The following CTTNBP2 variants were observed in gnomAD, a reference collection of about 807,000 sequenced individuals.
The protein encoded by CTTNBP2 is cortactin binding protein 2, also known as cortactin-binding protein 2.
In CTTNBP2, 108 loss-of-function variants were observed where a neutral mutation model predicts 156.9. The ratio of observed to expected loss-of-function variants is 0.69; its 90% CI spans 0.59 to 0.81. The LOEUF (loss-of-function observed/expected upper bound fraction) is 0.81. Among genes scored for constraint, CTTNBP2 ranks in the 30% least tolerant of loss-of-function variants. The probability of loss-of-function intolerance (pLI) is 0.00; values close to 1 mark genes in which losing one functional copy is unlikely to be tolerated. For synonymous variants in CTTNBP2, 767 were observed against 751.8 expected, an observed-to-expected ratio of 1.02 and a Z score of -0.33; for missense variants, 1,924 against 2,035.4, an observed-to-expected ratio of 0.95 and a Z score of 1.05.
intron 3 of CTTNBP2, among the ~76,000 whole-genome samples, chr7:117,793,852 A>G (rs758559055): frequency 6.6e-6 from 1 of 152,250 alleles, no homozygotes; most frequent in Non-Finnish European, 1.5e-5. Context: ...AAAGCTCCCA[A>G]TAGCACAAGA....
intron 12 of CTTNBP2, among the ~76,000 whole-genome samples, chr7:117,750,950 T>G (rs1225046527): frequency 1.3e-5 from 2 of 152,238 alleles, no homozygotes; most frequent in Non-Finnish European, 2.9e-5. Flanking sequence ...ATCCCCTAAG[T>G]GCACATTTAT....
intron 2 of CTTNBP2, among the ~76,000 whole-genome samples, chr7:117,837,602 A>C (rs1802033003): frequency 6.6e-6 from 1 of 152,172 alleles, no homozygotes; most frequent in South Asian, 2.1e-4. Flanking sequence ...TAGGGATGAG[A>C]CCCAAGTCTA....
chr7:117,836,698 C>T (rs144954763), intron 2 of CTTNBP2, among the ~76,000 whole-genome samples: 14 of 152,236 alleles, frequency 9.2e-5, no homozygotes, highest in African/African-American at 3.1e-4. Context: ...AAAACATACC[C>T]GACATTGGGT....
chr7:117,835,156 G>A (rs1424937771), intron 2 of CTTNBP2, among the ~76,000 whole-genome samples: 3 of 152,216 alleles, frequency 2.0e-5, no homozygotes, highest in African/African-American at 4.8e-5. Flanking sequence ...CACAGGGGAC[G>A]GCTGAAGTTG....
chr7:117,828,093 A>G (rs1801393531), intron 2 of CTTNBP2, among the ~76,000 whole-genome samples: 1 of 152,220 alleles, frequency 6.6e-6, no homozygotes, highest in African/African-American at 2.4e-5. Context: ...GACTCACTCC[A>G]TATCAAAAGC....
chr7:117,824,492 A>T (rs1801163631), intron 2 of CTTNBP2, among the ~76,000 whole-genome samples: 1 of 152,144 alleles, frequency 6.6e-6, no homozygotes, highest in Non-Finnish European at 1.5e-5. Context: ...ATTTTTTAAC[A>T]GTGTTGATTT....
chr7:117,752,465 G>A (rs1796663092), intron 12 of CTTNBP2, among the ~76,000 whole-genome samples: 2 of 152,110 alleles, frequency 1.3e-5, no homozygotes, highest in Admixed American at 6.6e-5. Flanking sequence ...ACTCAATTGG[G>A]TTGAATATTT....
chr7:117,731,769 G>C (rs1013440439), intron 16 of CTTNBP2, among the ~76,000 whole-genome samples: 15 of 152,176 alleles, frequency 9.9e-5, no homozygotes, highest in African/African-American at 3.6e-4. Flanking sequence ...CCGGAGTTAG[G>C]TTTGGGGACA....
chr7:117,745,542 G>A (rs960782334), intron 14 of CTTNBP2, among the ~76,000 whole-genome samples: 2 of 152,178 alleles, frequency 1.3e-5, no homozygotes, highest in Admixed American at 6.5e-5. Flanking sequence ...TCCAGCTAGG[G>A]TGAACTGCTC....
At chr7:117,862,267 A>G (rs1803809496) in intron 1 of CTTNBP2, among the ~76,000 whole-genome samples, 1 of 125,962 alleles carries the variant, frequency 7.9e-6, no homozygotes, top group Non-Finnish European at 1.6e-5. Context: ...CCTTCCAGGG[A>G]CCCAGCTACA....
intron 10 of CTTNBP2, chr7:117,760,158 A>G (rs1358766309): frequency 1.3e-5 from 6 of 457,074 alleles, no homozygotes; most frequent in African/African-American, 9.7e-5. Flanking sequence ...AGTTTCTTGC[A>G]TTTATCTAGA....
At chr7:117,852,520 C>A (rs1447952437) in intron 2 of CTTNBP2, among the ~76,000 whole-genome samples, 1 of 152,134 alleles carries the variant, frequency 6.6e-6, no homozygotes, top group African/African-American at 2.4e-5. Context: ...TGTTCTCTCT[C>A]ATCCTATTAG....
intron 2 of CTTNBP2, among the ~76,000 whole-genome samples, chr7:117,818,566 C>T (rs1459849934): frequency 6.6e-6 from 1 of 152,168 alleles, no homozygotes; most frequent in Non-Finnish European, 1.5e-5. Flanking sequence ...ATGAAATGGA[C>T]ACTGCCCCTC....
At chr7:117,723,531 A>G (rs552797198) in intron 19 of CTTNBP2, among the ~76,000 whole-genome samples, 3 of 152,292 alleles carry the variant, frequency 2.0e-5, no homozygotes, top group African/African-American at 7.2e-5. Flanking sequence ...ATTTCTTTTC[A>G]TTTTTATTCC....
chr7:117,713,279 A>T (rs1794161272), intron 22 of CTTNBP2, among the ~76,000 whole-genome samples: 1 of 152,168 alleles, frequency 6.6e-6, no homozygotes. Context: ...CTTTCCCTTC[A>T]GAGTATTTCA....
chr7:117,719,744 T>G (rs1285928780), intron 20 of CTTNBP2, 108 bp from the exon 21 acceptor site: 1 of 784,252 alleles, frequency 1.3e-6, no homozygotes, highest in African/African-American at 1.7e-5. Flanking sequence ...GGAAAATGTT[T>G]TTAATAGCCT....
rs1457693822 is a variant in CTTNBP2 at position 117,798,611 on chromosome 7, T to C, written c.415-5830A>G. Among the ~76,000 whole-genome samples, 6 of 152,140 alleles carry C rather than the reference T, an allele frequency of 3.9e-5. 1 individual carries two copies. The highest frequency in any genetic ancestry group is 1.4e-4 in the African/African-American group (6 of 41,452). On this transcript the variant is annotated intron_variant, in intron 3 of 22. Coordinates refer to ENST00000160373, the MANE Select transcript of CTTNBP2 (RefSeq NM_033427.3). ...CATCTAAAAGCAGCTAAGGCCGATA[T>C]GGCTTTAAATGTTTACTTTAGAAGA...
intron 4 of CTTNBP2, among the ~76,000 whole-genome samples, chr7:117,790,140 C>T (rs1203158332): frequency 6.6e-6 from 1 of 152,144 alleles, no homozygotes; most frequent in Non-Finnish European, 1.5e-5. Flanking sequence ...ACTAAGATCC[C>T]ATGGTAGGAG....
chr7:117,745,598 A>G (rs1796281389), intron 14 of CTTNBP2, among the ~76,000 whole-genome samples: 1 of 148,346 alleles, frequency 6.7e-6, no homozygotes, highest in Non-Finnish European at 1.5e-5. Flanking sequence ...GTAAGACAGT[A>G]TGCTAGCAAC....
Sources: gnomAD v4.1 joint callset for allele counts (sites outside exome capture counted in the v4.1 genomes callset) on GRCh38, gnomAD v4.1.1 for gene constraint, MANE v1.5 for transcripts, NCBI Gene and HGNC (gene_info 2026-07-23, HGNC 2026-07-21) for gene names.